Variants in CAMTA1 observed in about 807,000 individuals in gnomAD.
The protein encoded by CAMTA1 is calmodulin-binding transcription activator 1.
In CAMTA1, 27 loss-of-function variants were observed where a neutral mutation model predicts 170.9. The ratio of observed to expected loss-of-function variants is 0.16; its 90% CI spans 0.12 to 0.22. CAMTA1 has a LOEUF of 0.22. Among genes scored for constraint, CAMTA1 ranks in the 10% least tolerant of loss-of-function variants. CAMTA1 has a pLI of 1.00. For missense variants in CAMTA1, 1,619 were observed against 2,217.2 expected (o/e 0.73, Z 5.42); for synonymous variants, 833 against 891.5 (o/e 0.93, Z 1.17).
chr1:7,309,287 A>ATTTTTTTTT (rs34401498), intron 5 of CAMTA1, among the ~76,000 whole-genome samples: 4 of 70,466 alleles, frequency 5.7e-5, no homozygotes, highest in African/African-American at 1.0e-4. Flanking sequence ...CAGTTAGAAA[A>ATTTTTTTTT]TTTTTTTTTT....
rs1641745994 is a variant in CAMTA1, at chr1:7,093,713, T to C, written c.302+2342T>C. Reference sequence around the variant, plus strand: ...CTCGCATGACTTTCTGGAATATACATAGAGCCAAGAGACCCCACCCCGAGG... The same window carrying C: ...CTCGCATGACTTTCTGGAATATACACAGAGCCAAGAGACCCCACCCCGAGG... On this transcript the variant is annotated intron_variant, in intron 4 of 22. Coordinates refer to ENST00000303635, the MANE Select transcript of CAMTA1 (RefSeq NM_015215.4). This position sits in a 1 kb window ranked among gnomAD's most constrained non-coding sequence, Gnocchi z 4.6. 6.6e-6 allele frequency among the ~76,000 whole-genome samples: 1 copy of C among 152,068 alleles called. No individual in the cohort carries two copies. Among genetic ancestry groups the C allele is most frequent in the African/African-American group, 2.4e-5 (1 of 41,394 alleles).
rs375945034 is a variant in CAMTA1 at position 7,190,884 on chromosome 1, C to G, written c.303-58607C>G. On this transcript the variant is annotated intron_variant, in intron 4 of 22. Transcript: ENST00000303635. ...TGTTTTACACATAAGGATATAAGCT[C>G]AGAGAGGTGAAGTTACCCACCTAAA... is the stretch of plus-strand genomic sequence containing the variant. 3.3e-4 allele frequency among the ~76,000 whole-genome samples: 50 copies of G among 152,296 alleles called. No homozygotes were observed. The East Asian group carries it at 3.5e-3, about 11-fold the overall frequency.
At chr1:6,792,462 C>T (rs948269177) in intron 1 of CAMTA1, among the ~76,000 whole-genome samples, 1 of 151,138 alleles carries the variant, frequency 6.6e-6, no homozygotes, top group Non-Finnish European at 1.5e-5. Context: ...AAGATTGGTA[C>T]TGTTTCCTGA....
chr1:7,188,341 C>G (rs529398889), intron 4 of CAMTA1, among the ~76,000 whole-genome samples: 1 of 152,290 alleles, frequency 6.6e-6, no homozygotes, highest in South Asian at 2.1e-4. Context: ...CCACTTTAAC[C>G]ATTTTCCACT....
chr1:7,677,561 A>G, intron 10 of CAMTA1, 38 bp from the exon 11 acceptor site: 1 of 1,601,796 alleles, frequency 6.2e-7, no homozygotes, highest in South Asian at 1.1e-5. Flanking sequence ...GTAGGTACCC[A>G]CCCATCCCTT....
intron 6 of CAMTA1, among the ~76,000 whole-genome samples, chr1:7,606,620 C>T (rs115071930): frequency 0.018 from 2,794 of 152,296 alleles, 35 homozygotes; most frequent in Non-Finnish European, 0.028. Flanking sequence ...TTTGCTGCAT[C>T]GAAAAGCACC....
At chr1:7,660,794 C>T (rs1576667499) in intron 7 of CAMTA1, among the ~76,000 whole-genome samples, 1 of 152,232 alleles carries the variant, frequency 6.6e-6, no homozygotes, top group South Asian at 2.1e-4. Flanking sequence ...GGCTCCTCCG[C>T]GCCTGGATCC....
At chr1:7,071,211 T>C (rs1638602983) in intron 3 of CAMTA1, among the ~76,000 whole-genome samples, 1 of 152,216 alleles carries the variant, frequency 6.6e-6, no homozygotes, top group South Asian at 2.1e-4. Flanking sequence ...CTTCTGACCT[T>C]GATGGGGCCA....
chr1:7,088,739 T>G (rs949499208), intron 3 of CAMTA1, among the ~76,000 whole-genome samples: 14 of 152,154 alleles, frequency 9.2e-5, no homozygotes, highest in Non-Finnish European at 1.6e-4. Flanking sequence ...GGGTCACTTC[T>G]CTCAGCATGG....
chr1:7,012,425 C>G (rs1699932997), intron 3 of CAMTA1, among the ~76,000 whole-genome samples: 1 of 152,142 alleles, frequency 6.6e-6, no homozygotes, highest in African/African-American at 2.4e-5. Context: ...GTTTCTGGCA[C>G]CGGTCTTTCT....
chr1:7,521,188 G>A (rs2094360546), intron 6 of CAMTA1, among the ~76,000 whole-genome samples: 1 of 152,152 alleles, frequency 6.6e-6, no homozygotes, highest in African/African-American at 2.4e-5. Context: ...TGAAAGCATG[G>A]TGATGGTAGA....
intron 3 of CAMTA1, among the ~76,000 whole-genome samples, chr1:7,086,062 C>T (rs1013118824): frequency 6.6e-6 from 1 of 152,100 alleles, no homozygotes; most frequent in Non-Finnish European, 1.5e-5. Flanking sequence ...TGTCTGGGAC[C>T]CTGCCAGTTT....
chr1:7,015,920 A>AC (rs1226182138), intron 3 of CAMTA1, among the ~76,000 whole-genome samples: 1 of 152,212 alleles, frequency 6.6e-6, no homozygotes, highest in Non-Finnish European at 1.5e-5. Context: ...GGGTGAAGGG[A>AC]CAGGTGCTGC....
At chr1:7,753,564 A>G (rs1165772081) in intron 21 of CAMTA1, among the ~76,000 whole-genome samples, 1 of 152,224 alleles carries the variant, frequency 6.6e-6, no homozygotes, top group East Asian at 1.9e-4. Flanking sequence ...CCTATACCAT[A>G]TGATTGCCGG....
chr1:7,013,012 G>A (rs1043760948), intron 3 of CAMTA1, among the ~76,000 whole-genome samples: 1 of 151,040 alleles, frequency 6.6e-6, no homozygotes, highest in Non-Finnish European at 1.5e-5. Flanking sequence ...AGTGTCTTGG[G>A]CCAAAAGCCT....
rs1661422610 is a variant in CAMTA1 at position 7,224,866 on chromosome 1, C to T, written c.303-24625C>T. ...CGCACTTCAGCTTCCCTTGCTGCCACCTGCATGGGCTGCTGCCCTGATGAG... is the reference window on the plus strand; with the variant it reads ...CGCACTTCAGCTTCCCTTGCTGCCATCTGCATGGGCTGCTGCCCTGATGAG... On this transcript the variant is annotated intron_variant, in intron 4 of 22. Coordinates refer to ENST00000303635, the MANE Select transcript of CAMTA1 (RefSeq NM_015215.4). The surrounding 1 kb of genome is among the most constrained non-coding windows in gnomAD (Gnocchi z 5.2). Among the ~76,000 whole-genome samples the T allele has an allele frequency of 6.6e-6, 1 of 152,236 alleles. No homozygotes were observed. The highest frequency in any genetic ancestry group is 2.4e-5 in the African/African-American group (1 of 41,456).
Position 7,572,222 on chromosome 1 carries a change from A to G in CAMTA1, c.511-68178A>G, listed in dbSNP as rs567200227. On this transcript the variant is annotated intron_variant, in intron 6 of 22. Transcript: ENST00000303635. ...GCTTGTAAATCTGTTTATGTTCCTT[A>G]TAGATTCTGGATATTAGACCTTTGT... 1.1e-3 allele frequency among the ~76,000 whole-genome samples: 163 copies of G among 152,238 alleles called. 2 individuals are homozygous for G. The highest frequency in any genetic ancestry group is 7.3e-3 in the South Asian group (35 of 4,822).
chr1:7,126,547 CAT>C (rs1338396259), intron 4 of CAMTA1, among the ~76,000 whole-genome samples: 4 of 152,150 alleles, frequency 2.6e-5, no homozygotes, highest in Non-Finnish European at 4.4e-5. Context: ...TGGGCAGTGA[CAT>C]ATTTTAAATA....
At chr1:7,655,727 C>T (rs565536803) in intron 7 of CAMTA1, among the ~76,000 whole-genome samples, 13 of 151,964 alleles carry the variant, frequency 8.6e-5, no homozygotes, top group East Asian at 7.7e-4. Context: ...ACACATACAC[C>T]GATACACCCA....
Sources: gnomAD v4.1 joint callset for allele counts (sites outside exome capture counted in the v4.1 genomes callset) on GRCh38, gnomAD v4.1.1 for gene constraint, Gnocchi (gnomAD v3.1) non-coding constraint, MANE v1.5 for transcripts, NCBI Gene and HGNC (gene_info 2026-07-23, HGNC 2026-07-21) for gene names.